Variants in NDEL1 observed in about 807,000 individuals in gnomAD.
The protein encoded by NDEL1 is nudE neurodevelopment protein 1 like 1.
A neutral mutation model predicts 45.7 loss-of-function variants in NDEL1; 9 were observed. The observed-to-expected ratio is 0.20, with a 90% CI of 0.12 to 0.34. The LOEUF (loss-of-function observed/expected upper bound fraction) is 0.34. Among genes scored for constraint, NDEL1 ranks in the 10% least tolerant of loss-of-function variants. NDEL1 has a pLI of 1.00. For missense variants in NDEL1, 306 were observed against 406.2 expected (o/e 0.75, Z 2.12); for synonymous variants, 133 against 158.6 (o/e 0.84, Z 1.21).
downstream of NDEL1, among the ~76,000 whole-genome samples, chr17:8,469,588 G>C (rs543847454): frequency 6.6e-6 from 1 of 152,180 alleles, no homozygotes; most frequent in South Asian, 2.1e-4. Context: ...GGGTAGCAGC[G>C]TGCTGTTGGG....
Position 8,430,446 on chromosome 17 carries a change from T to C in NDEL1, c.-12-13814T>C, listed in dbSNP as rs144861056. ...CATTACATATCACCTTCTGTGAGTG[T>C]GTGATGTGGCCGAAGTCCAGCATCT... On this transcript the variant is annotated intron_variant, in intron 1 of 4. Coordinates refer to the NDEL1 transcript ENST00000582812. Among the ~76,000 whole-genome samples the C allele has an allele frequency of 3.3e-5, 5 of 152,310 alleles. No homozygotes were observed. The East Asian group carries it at 9.7e-4, about 29-fold the overall frequency.
intron 1 of NDEL1, among the ~76,000 whole-genome samples, chr17:8,430,838 T>C (rs1270757034): frequency 1.3e-5 from 2 of 152,206 alleles, no homozygotes; most frequent in East Asian, 1.9e-4. Context: ...ATTTGGTATA[T>C]TGGAAGCAGG....
At position 8,446,828 on chromosome 17, in the gene NDEL1, G is replaced by A. The variant is rs770762412; in HGVS notation, c.315G>A (p.Arg105=). The A allele has an allele frequency of 2.5e-6, 4 of 1,614,146 alleles. No homozygotes were observed. The highest frequency in any genetic ancestry group is 3.4e-6 in the Non-Finnish European group (4 of 1,180,032). ...TAGAAGATGATTTAAGTCAGACTCG[G>A]GCCATTAAGGAGCAGTTGCATAAGT... is the stretch of plus-strand genomic sequence containing the variant. ...SVLEDDLSQT[R]AIKEQLHKYV... Residue 105 remains arginine, a synonymous_variant, in exon 4 of 9, where the codon CGG becomes CGA. Coordinates refer to ENST00000334527, the MANE Select transcript of NDEL1 (RefSeq NM_030808.5).
At chr17:8,434,220 T>TTTTTGTTTTG (rs1388033040), upstream of NDEL1, among the ~76,000 whole-genome samples, 1 of 152,122 alleles carries the variant, frequency 6.6e-6, no homozygotes, top group Non-Finnish European at 1.5e-5. Context: ...CAGGAGTTCT[T>TTTTTGTTTTG]TTTTGTTTTG....
At chr17:8,413,769 T>C (rs1252498581) in intron 1 of NDEL1, among the ~76,000 whole-genome samples, 1 of 152,232 alleles carries the variant, frequency 6.6e-6, no homozygotes, top group African/African-American at 2.4e-5. Flanking sequence ...ATGTAAGACA[T>C]CTCTATTTTT....
chr17:8,446,002 T>TAAA, intron 3 of NDEL1, 138 bp downstream of exon 3: 4 of 899,066 alleles, frequency 4.4e-6, no homozygotes, highest in Non-Finnish European at 6.1e-6. Context: ...TTGAATAAAA[T>TAAA]GTTTTCTTTC....
intron 6 of NDEL1, 124 bp from the exon 7 acceptor site, chr17:8,454,672 A>G (rs902964073): frequency 1.4e-6 from 1 of 695,838 alleles, no homozygotes; most frequent in Admixed American, 2.4e-5. Flanking sequence ...TCTATACTTT[A>G]TCCATAGTTT....
chr17:8,448,158 A>C (rs371006503), intron 4 of NDEL1, among the ~76,000 whole-genome samples: 5 of 152,318 alleles, frequency 3.3e-5, no homozygotes, highest in East Asian at 1.9e-4. Context: ...GTCAGTGTGA[A>C]TTGGCCTTAG....
intron 1 of NDEL1, among the ~76,000 whole-genome samples, chr17:8,415,567 C>T (rs1161078638): frequency 6.6e-6 from 1 of 151,742 alleles, no homozygotes; most frequent in Non-Finnish European, 1.5e-5. Flanking sequence ...TCCTGAGTAG[C>T]TGGGACTACA....
chr17:8,460,252 A>C lies in NDEL1; in HGVS notation c.944+92A>C, dbSNP rs926032001. The C allele has an allele frequency of 2.9e-6, 4 of 1,375,602 alleles. No individual in the cohort carries two copies. The African/African-American group carries it at 5.9e-5, about 20-fold the overall frequency. 85.2% of individuals were successfully genotyped at this position (1,375,602 alleles called of 1,614,324 possible). ...AATGAAGCCTTGAAAAGGTAAACTC[A>C]GCTTGACAAACCTTCCCGAAGCCTG... is the stretch of plus-strand genomic sequence containing the variant. On this transcript the variant is annotated intron_variant, in intron 8 of 8. Coordinates refer to ENST00000334527, the MANE Select transcript of NDEL1 (RefSeq NM_030808.5).
At chr17:8,439,550 G>GGCCTGCTTTGTTC (rs1439224149) in intron 1 of NDEL1, among the ~76,000 whole-genome samples, 6 of 152,042 alleles carry the variant, frequency 3.9e-5, no homozygotes, top group Non-Finnish European at 8.8e-5. Context: ...CACCGCGCCT[G>GGCCTGCTTTGTTC]GCCTGCTTTG....
chr17:8,424,529 T>C (rs1180398013), intron 1 of NDEL1, among the ~76,000 whole-genome samples: 1 of 152,170 alleles, frequency 6.6e-6, no homozygotes, highest in Non-Finnish European at 1.5e-5. Context: ...TGAGACGGAG[T>C]CTTGTTCTGT....
At chr17:8,444,424 T>C in intron 2 of NDEL1, 67 bp downstream of exon 2, 1 of 1,083,756 alleles carries the variant, frequency 9.2e-7, no homozygotes, top group Non-Finnish European at 1.4e-6. Context: ...TGTTTGTGCA[T>C]TTTTCTTTTT....
At chr17:8,421,746 C>T (rs1281312700) in intron 1 of NDEL1, among the ~76,000 whole-genome samples, 2 of 152,174 alleles carry the variant, frequency 1.3e-5, no homozygotes, top group Non-Finnish European at 2.9e-5. Flanking sequence ...ATCAGCAATT[C>T]CTTAGGGCAT....
intron 1 of NDEL1, 190 bp from the exon 2 acceptor site, chr17:8,444,070 A>G (rs1489422541): frequency 6.0e-6 from 3 of 497,944 alleles, no homozygotes; most frequent in African/African-American, 2.0e-5. Flanking sequence ...CTCATTCACA[A>G]TATTGGTGGT....
Position 8,421,906 on chromosome 17 carries a change from G to A in NDEL1, c.-13+8637G>A, listed in dbSNP as rs553435379. ...GGGATGGTGCTTGGCTAGATGTCAG[G>A]GTGGGTCCTGACTCACTCACTGTCA... On this transcript the variant is annotated intron_variant, in intron 1 of 4. Transcript: ENST00000582812. 1.6e-4 allele frequency among the ~76,000 whole-genome samples: 24 copies of A among 152,298 alleles called. No homozygotes were observed. In the South Asian group the frequency reaches 4.8e-3, roughly 30 times the overall value.
intron 1 of NDEL1, among the ~76,000 whole-genome samples, chr17:8,440,300 G>C (rs1223997183): frequency 1.3e-5 from 2 of 152,036 alleles, no homozygotes; most frequent in African/African-American, 4.8e-5. Flanking sequence ...GGCAGATCAC[G>C]AGGTCAGGAG....
chr17:8,433,829 A>T (rs532168847), upstream of NDEL1, among the ~76,000 whole-genome samples: 30 of 152,258 alleles, frequency 2.0e-4, no homozygotes, highest in Non-Finnish European at 4.0e-4. Flanking sequence ...TGCAAAAAAA[A>T]AATTGGAAAT....
chr17:8,428,599 G>A (rs982050601), intron 1 of NDEL1, among the ~76,000 whole-genome samples: 14 of 151,776 alleles, frequency 9.2e-5, no homozygotes, highest in African/African-American at 3.4e-4. Context: ...TCCTGACCTC[G>A]TGATCTGACC....
Sources: gnomAD v4.1 joint callset for allele counts (sites outside exome capture counted in the v4.1 genomes callset) on GRCh38, gnomAD v4.1.1 for gene constraint, MANE v1.5 for transcripts, NCBI Gene and HGNC (gene_info 2026-07-23, HGNC 2026-07-21) for gene names.